The following MAP3K7CL variants were observed in gnomAD, a reference collection of about 807,000 sequenced individuals.
MAP3K7CL encodes MAP3K7 C-terminal like.
Under a neutral mutation model 18.6 loss-of-function variants are expected in MAP3K7CL, and 16 were observed. The observed-to-expected ratio is 0.86, with a 90% CI of 0.58 to 1.31. The LOEUF is 1.31. Among genes scored for constraint, MAP3K7CL ranks in the 50% most tolerant of loss-of-function variants. The pLI is 0.00. For synonymous variants in MAP3K7CL, 65 were observed against 66.8 expected (o/e 0.97, Z 0.13); for missense variants, 163 against 174.4 (o/e 0.93, Z 0.37).
At chr21:29,139,930 A>G (rs2086970137) in intron 2 of MAP3K7CL, among the ~76,000 whole-genome samples, 1 of 117,884 alleles carries the variant, frequency 8.5e-6, no homozygotes, top group Admixed American at 1.2e-4. Flanking sequence ...TGGCATATTC[A>G]CAGGGAACTC....
At chr21:29,119,858 T>A (rs2086563791) in intron 4 of MAP3K7CL, among the ~76,000 whole-genome samples, 1 of 151,924 alleles carries the variant, frequency 6.6e-6, no homozygotes, top group Admixed American at 6.6e-5. Flanking sequence ...AGAGATGGGG[T>A]TTCACCATGT....
chr21:29,131,903 G>A (rs1254286044), intron 1 of MAP3K7CL, among the ~76,000 whole-genome samples: 2 of 152,132 alleles, frequency 1.3e-5, no homozygotes, highest in Non-Finnish European at 2.9e-5. Context: ...GATAGATAGA[G>A]GAAAGTTATG....
upstream of MAP3K7CL, among the ~76,000 whole-genome samples, chr21:29,084,335 A>G (rs189325297): frequency 2.6e-3 from 397 of 152,260 alleles, 3 homozygotes; most frequent in African/African-American, 9.1e-3. Flanking sequence ...GGGTCATTGT[A>G]GAATATTTTT....
At chr21:29,133,227 C>A in intron 1 of MAP3K7CL, 79 bp from the exon 2 acceptor site, 2 of 1,014,788 alleles carry the variant, frequency 2.0e-6, no homozygotes, top group East Asian at 2.8e-5. Flanking sequence ...ATAACTTCAC[C>A]TGTAATTTCC....
chr21:29,145,045 A>G (rs75193091), intron 2 of MAP3K7CL, among the ~76,000 whole-genome samples: 2,989 of 152,268 alleles, frequency 0.02, 128 homozygotes, highest in African/African-American at 0.069. Context: ...TTTATATTTC[A>G]TCCTTTAAAA....
At chr21:29,087,589 C>CA (rs2085946366) in intron 1 of MAP3K7CL, among the ~76,000 whole-genome samples, 2 of 104,354 alleles carry the variant, frequency 1.9e-5, no homozygotes, top group Non-Finnish European at 3.7e-5. Context: ...TTTTCTTTTT[C>CA]TTTTTTTTTT....
chr21:29,139,042 G>GT (rs1049319147), intron 2 of MAP3K7CL, among the ~76,000 whole-genome samples: 11 of 151,896 alleles, frequency 7.2e-5, no homozygotes, highest in East Asian at 1.9e-4. Flanking sequence ...TAGTTTTTGT[G>GT]TTTTTTTTGG....
rs1302608287 is a variant in MAP3K7CL at position 29,102,475 on chromosome 21, CTCTTT to C, written c.370+9896_370+9900del. ...CTGACTTGATTCTCTCTCTCTCTCT[CTCTTT>C]TTTTTTTTTTTTTTTTTTTAAACAC... On this transcript the variant is annotated intron_variant, in intron 4 of 6. Transcript: ENST00000286791. 1.4e-4 allele frequency: 17 copies of C among 121,112 alleles called. No homozygotes were observed. The East Asian group carries it at 1.4e-3, about 10-fold the overall frequency. 7.5% of individuals were successfully genotyped at this position (121,112 alleles called of 1,614,324 possible).
At chr21:29,078,209 A>G (rs1200075619) in intron 1 of MAP3K7CL, among the ~76,000 whole-genome samples, 1 of 151,802 alleles carries the variant, frequency 6.6e-6, no homozygotes, top group Non-Finnish European at 1.5e-5. Flanking sequence ...CTTATGTTTC[A>G]GTATTTTTCT....
rs867240858 is a variant in MAP3K7CL at position 29,173,341 on chromosome 21, C to T, written c.249-1371C>T. On this transcript the variant is annotated intron_variant, in intron 4 of 4. Coordinates refer to ENST00000399928, the MANE Select transcript of MAP3K7CL (RefSeq NM_001286620.2). ...ATGTAGATCTTCTTTTAATTAGCCT[C>T]CTTTTAGGGCACAAGATCTTTGAAA... Among the ~76,000 whole-genome samples, 4 of 152,278 alleles carry T rather than the reference C, an allele frequency of 2.6e-5. No individual in the cohort carries two copies. In the South Asian group the frequency reaches 8.3e-4, roughly 32 times the overall value.
At chr21:29,133,480 G>A (rs953397484) in intron 2 of MAP3K7CL, 66 bp downstream of exon 2, 22 of 1,233,904 alleles carry the variant, frequency 1.8e-5, no homozygotes, top group Non-Finnish European at 2.3e-5. Context: ...CTTTTCTAAT[G>A]CCACGCCTCT....
intron 4 of MAP3K7CL, among the ~76,000 whole-genome samples, chr21:29,163,665 G>GCTCTTGGC (rs2087609069): frequency 6.7e-6 from 1 of 149,858 alleles, no homozygotes; most frequent in African/African-American, 2.5e-5. Flanking sequence ...TTCACACCAA[G>GCTCTTGGC]CTCTTGGCCT....
chr21:29,136,253 G>A (rs771128721), intron 2 of MAP3K7CL, among the ~76,000 whole-genome samples: 1 of 152,160 alleles, frequency 6.6e-6, no homozygotes, highest in African/African-American at 2.4e-5. Context: ...CTTGAATAAG[G>A]AACATGTGGA....
chr21:29,163,841 G>A (rs1036776217), intron 4 of MAP3K7CL, among the ~76,000 whole-genome samples: 1 of 151,898 alleles, frequency 6.6e-6, no homozygotes, highest in Admixed American at 6.6e-5. Context: ...GACGACAGGT[G>A]CATGCCAGCA....
chr21:29,161,690 T>C (rs780606066), intron 4 of MAP3K7CL, among the ~76,000 whole-genome samples: 10 of 152,148 alleles, frequency 6.6e-5, no homozygotes, highest in Non-Finnish European at 1.3e-4. Flanking sequence ...TGTGGTGGTA[T>C]AATAAAAATA....
At chr21:29,168,280 C>T (rs184203840) in intron 4 of MAP3K7CL, among the ~76,000 whole-genome samples, 94 of 152,230 alleles carry the variant, frequency 6.2e-4, no homozygotes, top group African/African-American at 2.2e-3. Context: ...AAGATGCCTT[C>T]TGGGTAAGAT....
At chr21:29,134,273 T>G (rs150445391) in intron 2 of MAP3K7CL, among the ~76,000 whole-genome samples, 80 of 152,272 alleles carry the variant, frequency 5.3e-4, no homozygotes, top group African/African-American at 1.9e-3. Flanking sequence ...ATCCCAGTAC[T>G]TTGGGAGGCC....
At chr21:29,091,498 C>T (rs1241680061) in intron 1 of MAP3K7CL, 2 of 685,918 alleles carry the variant, frequency 2.9e-6, no homozygotes, top group East Asian at 2.7e-5. Flanking sequence ...TTTTTCAATA[C>T]AGCCCCTTGC....
upstream of MAP3K7CL, among the ~76,000 whole-genome samples, chr21:29,126,401 G>A (rs1697038385): frequency 6.6e-6 from 1 of 152,174 alleles, no homozygotes; most frequent in Non-Finnish European, 1.5e-5. Context: ...GAGTAGTTGT[G>A]ACAGAGATCC....
Sources: allele counts gnomAD v4.1 joint callset (sites outside exome capture counted in the v4.1 genomes callset), GRCh38; gene constraint gnomAD v4.1.1; transcripts MANE v1.5; gene names NCBI Gene and HGNC (gene_info 2026-07-23, HGNC 2026-07-21).